MYH8: variants seen among roughly 807,000 people sequenced by gnomAD.
MYH8 encodes myosin heavy chain 8.
A neutral mutation model predicts 233.2 loss-of-function variants in MYH8; 168 were observed. The observed-to-expected ratio is 0.72, with a 90% CI of 0.64 to 0.82. The LOEUF (loss-of-function observed/expected upper bound fraction) is 0.82. Ranked by LOEUF, MYH8 falls within the 40% of genes least tolerant of loss-of-function variation. The pLI, the probability that MYH8 is intolerant of heterozygous loss-of-function variation, is 0.00. For synonymous variants in MYH8, 785 were observed against 850.6 expected, an observed-to-expected ratio of 0.92 and a Z score of 1.34; for missense variants, 1,995 against 2,327.8, an observed-to-expected ratio of 0.86 and a Z score of 2.94.
intron 34 of MYH8, 100 bp from the exon 35 acceptor site, chr17:10,394,552 T>A (rs563278228): frequency 7.1e-7 from 1 of 1,401,822 alleles, no homozygotes; most frequent in East Asian, 2.4e-5. Context: ...GAACAGAAGA[T>A]GACATATGCC....
chr17:10,412,772 C>A, intron 12 of MYH8, 44 bp from the exon 13 acceptor site: 1 of 1,424,276 alleles, frequency 7.0e-7, no homozygotes, highest in South Asian at 1.1e-5. Context: ...TGAAGGATAT[C>A]CTCTTTTACC....
rs1445839100 is a variant in MYH8 at position 10,412,710 on chromosome 17, T to TAGGCTG, written c.1160_1165dup (p.Ala388_Tyr389insSerAla). On this transcript the variant is annotated inframe_insertion, in exon 13 of 40. Transcript: ENST00000403437. ...GTCTGCAGAGTTCAGACTCTGGAGA[T>TAGGCTG]AGGCTGCCTTGTCAGCGACTGCAGA... 1 of 1,614,062 alleles carries TAGGCTG rather than the reference T, an allele frequency of 6.2e-7. No homozygotes were observed. The highest frequency in any genetic ancestry group is 8.5e-7 in the Non-Finnish European group (1 of 1,179,996).
At chr17:10,405,928 T>C (rs1185522773) in intron 21 of MYH8, 113 bp downstream of exon 21, 1 of 1,335,946 alleles carries the variant, frequency 7.5e-7, no homozygotes, top group African/African-American at 1.4e-5. Flanking sequence ...GAGTGAGTTC[T>C]GAATTGGGTG....
In MYH8 at chr17:10,400,351, T is replaced by C. The variant is rs1410724580; in HGVS notation, c.3735+39A>G. The stretch of plus-strand genomic sequence containing the variant: ...AGTGATAGAGAATAATGGGTGTTCT[T>C]ACAGATGATTACCTTCATTTAGAGA... On this transcript the variant is annotated intron_variant, in intron 27 of 39. Transcript: ENST00000403437. The surrounding 1 kb of genome is among the most constrained non-coding windows in gnomAD (Gnocchi z 4.0). 1 of 1,606,770 alleles carries C rather than the reference T, an allele frequency of 6.2e-7. No homozygotes were observed. The highest frequency in any genetic ancestry group is 1.7e-5 in the Admixed American group (1 of 60,016).
intron 14 of MYH8, 149 bp downstream of exon 14, chr17:10,412,221 G>C: frequency 1.4e-6 from 2 of 1,477,508 alleles, no homozygotes; most frequent in Non-Finnish European, 1.9e-6. Context: ...AGTACATTAT[G>C]TTACCTCCTA....
intron 17 of MYH8, 50 bp from the exon 18 acceptor site, chr17:10,407,029 G>T: frequency 1.4e-6 from 2 of 1,456,386 alleles, no homozygotes; most frequent in South Asian, 1.1e-5. Flanking sequence ...ATTTCAGGTT[G>T]TTTTTTGTAA....
intron 34 of MYH8, 55 bp from the exon 35 acceptor site, chr17:10,394,507 C>T: frequency 6.3e-7 from 1 of 1,585,874 alleles, no homozygotes; most frequent in South Asian, 1.1e-5. Flanking sequence ...TTTGAAGATC[C>T]CAGGAGATGA....
chr17:10,415,644 A>C lies in MYH8; in HGVS notation c.539+37T>G. 6.2e-7 allele frequency: 1 copy of C among 1,613,876 alleles called. No homozygotes were observed. On this transcript the variant is annotated intron_variant, in intron 6 of 39. Coordinates refer to ENST00000403437, the MANE Select transcript of MYH8 (RefSeq NM_002472.3). This position sits in a 1 kb window ranked among gnomAD's most constrained non-coding sequence, Gnocchi z 4.1. The stretch of plus-strand genomic sequence containing the variant: ...GGCCTGCATTGTCAACATCTAAGAC[A>C]ATCCTTGCAAATCAGAGAAGAAAAA...
At chr17:10,416,873 C>T (rs2072294109) in intron 5 of MYH8, among the ~76,000 whole-genome samples, 1 of 152,046 alleles carries the variant, frequency 6.6e-6, no homozygotes, top group South Asian at 2.1e-4. Context: ...ATAAATACTT[C>T]AATTAGAATT....
Position 10,394,407 on chromosome 17 carries a change from G to T in MYH8, c.5008C>A (p.Leu1670Ile), listed in dbSNP as rs1461467864. ...LDDALRGQED[L>I]KEQLAIVERR... ...TCCACAATTGCCAGCTGTTCCTTGA[G>T]GTCCTCCTGGCCCCGGAGAGCATCA... is the stretch of plus-strand genomic sequence containing the variant. Residue 1670 changes from leucine to isoleucine, a missense_variant, in exon 35 of 40, where the codon CTC becomes ATC. By Grantham distance (5) the Leu-to-Ile change is conservative (BLOSUM62 2). Around this residue, in one of 3 missense-constraint regions of MYH8, gnomAD observed 1,498 missense variants for 1,680.9 expected, o/e 0.89. Transcript: ENST00000403437. 3.1e-6 allele frequency: 5 copies of T among 1,614,038 alleles called. No individual in the cohort carries two copies. Among genetic ancestry groups the T allele is most frequent in the African/African-American group, 1.3e-5 (1 of 74,918 alleles).
intron 23 of MYH8, 46 bp from the exon 24 acceptor site, chr17:10,401,497 G>A (rs4616316): frequency 1.2e-6 from 2 of 1,613,998 alleles, no homozygotes; most frequent in African/African-American, 2.7e-5. Context: ...AAGCAATTTA[G>A]TTGGTGGCAG....
chr17:10,395,143 C>T lies in MYH8; in HGVS notation c.4952G>A (p.Gly1651Glu), dbSNP rs375724202. Residue 1651 changes from glycine (G) to glutamate (E), a missense_variant, in exon 34 of 40, where the codon GGA becomes GAA. Physicochemically the swap from Gly to Glu is moderately conservative, Grantham distance 98. This residue lies in a region of MYH8 where 1,498 missense variants were observed against 1,680.9 expected (regional missense o/e 0.89). Transcript: ENST00000403437. Reference protein sequence around the residue: ...ESLRNYRNTQGILKETQLHLD... With the variant: ...ESLRNYRNTQEILKETQLHLD... Reference sequence around the variant, plus strand: ...TGTGGACCCGTTTACCTTCAGGATTCCTTGGGTGTTCCTGTAGTTCCTTAA... The same window carrying T: ...TGTGGACCCGTTTACCTTCAGGATTTCTTGGGTGTTCCTGTAGTTCCTTAA... The T allele has an allele frequency of 1.2e-6, 2 of 1,613,322 alleles. No homozygotes were observed. The highest frequency in any genetic ancestry group is 2.7e-5 in the African/African-American group (2 of 75,010).
chr17:10,392,509 A>G (rs774410851), intron 38 of MYH8, 33 bp downstream of exon 38: 18 of 1,571,280 alleles, frequency 1.1e-5, no homozygotes, highest in South Asian at 2.2e-5. Context: ...CTGGGCAGGA[A>G]GAGTGGATAT....
chr17:10,398,670 T>A (rs2072102812), intron 29 of MYH8, 30 bp from the exon 30 acceptor site: 1 of 1,614,146 alleles, frequency 6.2e-7, no homozygotes. Flanking sequence ...GTGACATAAA[T>A]TCATGTATTC....
In MYH8 at chr17:10,415,075, C is replaced by T. The variant is rs2072277127; in HGVS notation, c.805+41G>A. 3 of 1,579,922 alleles carry T rather than the reference C, an allele frequency of 1.9e-6. No individual in the cohort carries two copies. The highest frequency in any genetic ancestry group is 2.2e-5 in the South Asian group (2 of 90,378). On this transcript the variant is annotated intron_variant, in intron 9 of 39. Transcript: ENST00000403437. This position sits in a 1 kb window ranked among gnomAD's most constrained non-coding sequence, Gnocchi z 4.1. ...CAAAATATCCCTGCAAATGAAATCA[C>T]TTGTCTCTCTGTTTTGATTTTCAAT...
At position 10,390,366 on chromosome 17, in the gene MYH8, C is replaced by G. The variant is rs555200279; in HGVS notation, c.*88G>C. The G allele has an allele frequency of 3.7e-5, 56 of 1,522,378 alleles. 1 individual carries two copies. In the South Asian group the frequency reaches 6.3e-4, roughly 17 times the overall value. 94.3% of individuals were successfully genotyped at this position (1,522,378 alleles called of 1,614,324 possible). ...GTAGTTTTTATTTATTCAGCTTTAA[C>G]AGGAAAATAAACGTCATAAAGCAAG... On this transcript the variant is annotated 3_prime_UTR_variant, in exon 40 of 40. Transcript: ENST00000403437.
Position 10,401,326 on chromosome 17 carries a change from T to A in MYH8, c.3057A>T (p.Lys1019Asn), listed in dbSNP as rs2072139477. The A allele has an allele frequency of 1.2e-6, 2 of 1,614,176 alleles. No homozygotes were observed. The highest frequency in any genetic ancestry group is 1.7e-6 in the Non-Finnish European group (2 of 1,180,032). The change falls in exon 24 of 40, where the codon AAA (lysine) becomes AAT (asparagine). Residue 1019 changes from lysine to asparagine, a missense_variant. Lys to Asn is a moderately conservative substitution (Grantham distance 94). Around this residue, in one of 3 missense-constraint regions of MYH8, gnomAD observed 1,498 missense variants for 1,680.9 expected, o/e 0.89. Transcript: ENST00000403437. The part of the protein sequence containing the change: ...TLDDLQAEED[K>N]VNILTKAKTK... The stretch of plus-strand genomic sequence containing the variant: ...TTTTAGCTTTGGTCAGGATGTTGAC[T>A]TTGTCCTCCTCTGCCTGCAGGTCAT...
At chr17:10,393,275 TCTTA>T (rs2072047336) in intron 35 of MYH8, 65 bp from the exon 36 acceptor site, 1 of 1,595,020 alleles carries the variant, frequency 6.3e-7, no homozygotes, top group Non-Finnish European at 8.6e-7. Flanking sequence ...TTTACAAGTG[TCTTA>T]CTTGTTGGTT....
In MYH8 at chr17:10,419,118, C is replaced by T. The variant is rs1175589811; in HGVS notation, c.211-88G>A. 8.1e-6 allele frequency: 12 copies of T among 1,479,864 alleles called. No homozygotes were observed. The highest frequency in any genetic ancestry group is 1.2e-5 in the South Asian group (1 of 85,790). 91.7% of individuals were successfully genotyped at this position (1,479,864 alleles called of 1,614,324 possible). On this transcript the variant is annotated intron_variant, in intron 3 of 39. Transcript: ENST00000403437. The surrounding 1 kb of genome is among the most constrained non-coding windows in gnomAD (Gnocchi z 4.0). ...TTTTGCCCAGGCTGGAGTGCAGTGGCGCGATCTCAGCTCACTGCAACCTCC... is the reference window on the plus strand; with the variant it reads ...TTTTGCCCAGGCTGGAGTGCAGTGGTGCGATCTCAGCTCACTGCAACCTCC...
Sources: allele counts gnomAD v4.1 joint callset (sites outside exome capture counted in the v4.1 genomes callset), GRCh38; gene constraint gnomAD v4.1.1; regional missense constraint gnomAD v4.1.1; non-coding constraint Gnocchi (gnomAD v3.1); transcripts MANE v1.5; gene names NCBI Gene and HGNC (gene_info 2026-07-23, HGNC 2026-07-21).